XPR1: variants seen among roughly 807,000 people sequenced by gnomAD.
XPR1 encodes the protein xenotropic and polytropic retrovirus receptor 1.
In XPR1, 28 loss-of-function variants were observed where a neutral mutation model predicts 87.5. That is an observed-to-expected ratio of 0.32 (90% CI 0.24 to 0.44). The LOEUF (loss-of-function observed/expected upper bound fraction) is 0.44. Ranked by LOEUF, XPR1 falls within the 20% of genes least tolerant of loss-of-function variation. The pLI is 1.00. For synonymous variants in XPR1, 300 were observed against 306.1 expected, an observed-to-expected ratio of 0.98 and a Z score of 0.21; for missense variants, 559 against 862.3, an observed-to-expected ratio of 0.65 and a Z score of 4.41.
At chr1:180,694,747 G>A (rs1020611121) in intron 2 of XPR1, among the ~76,000 whole-genome samples, 2 of 150,110 alleles carry the variant, frequency 1.3e-5, no homozygotes, top group African/African-American at 4.9e-5. Context: ...CTAATCTTGT[G>A]TCACCCCGAC....
intron 1 of XPR1, among the ~76,000 whole-genome samples, chr1:180,653,245 C>T (rs894136170): frequency 1.3e-5 from 2 of 152,058 alleles, no homozygotes; most frequent in African/African-American, 4.8e-5. Context: ...ACAGGGCTAA[C>T]CTGTATAATC....
intron 1 of XPR1, among the ~76,000 whole-genome samples, chr1:180,658,224 C>T (rs974017839): frequency 1.3e-5 from 2 of 152,158 alleles, no homozygotes; most frequent in Non-Finnish European, 1.5e-5. Context: ...AAGATCATAT[C>T]ATCTGCAAAC....
intron 7 of XPR1, among the ~76,000 whole-genome samples, chr1:180,818,333 T>A (rs1650488408): frequency 6.6e-6 from 1 of 151,972 alleles, no homozygotes; most frequent in Non-Finnish European, 1.5e-5. Flanking sequence ...TTGGGTTTTT[T>A]TTTTTTTTTT....
intron 1 of XPR1, among the ~76,000 whole-genome samples, chr1:180,676,150 G>A (rs939587438): frequency 1.3e-5 from 2 of 152,094 alleles, no homozygotes; most frequent in Admixed American, 1.3e-4. Flanking sequence ...AAATTTATGT[G>A]TATTACATAT....
intron 11 of XPR1, among the ~76,000 whole-genome samples, chr1:180,845,117 TC>T (rs1184766563): frequency 2.0e-5 from 3 of 152,182 alleles, no homozygotes; most frequent in Non-Finnish European, 4.4e-5. Flanking sequence ...TGAAAAATTT[TC>T]CACTTTGGTA....
intron 1 of XPR1, among the ~76,000 whole-genome samples, chr1:180,641,700 A>T (rs764539801): frequency 1.3e-5 from 2 of 152,172 alleles, no homozygotes; most frequent in Non-Finnish European, 2.9e-5. Context: ...TGAAAATTTA[A>T]TTTTTAATCT....
At chr1:180,775,428 A>G (rs1473237768) in intron 2 of XPR1, among the ~76,000 whole-genome samples, 1 of 152,142 alleles carries the variant, frequency 6.6e-6, no homozygotes, top group East Asian at 1.9e-4. Context: ...CTATATAAAA[A>G]TGAAAAAAAA....
At chr1:180,768,137 C>T (rs753150856) in intron 2 of XPR1, among the ~76,000 whole-genome samples, 6 of 152,170 alleles carry the variant, frequency 3.9e-5, no homozygotes, top group Admixed American at 2.0e-4. Context: ...AGCCACCGTG[C>T]CCGGCCCACA....
At chr1:180,708,460 G>A (rs1261042105) in intron 2 of XPR1, among the ~76,000 whole-genome samples, 1 of 152,138 alleles carries the variant, frequency 6.6e-6, no homozygotes, top group Non-Finnish European at 1.5e-5. Flanking sequence ...GGTTAAAATG[G>A]TAGAATTAAT....
intron 2 of XPR1, among the ~76,000 whole-genome samples, chr1:180,714,584 T>C (rs1442377572): frequency 6.6e-6 from 1 of 152,022 alleles, no homozygotes; most frequent in Non-Finnish European, 1.5e-5. Flanking sequence ...CTTCCATTTT[T>C]TGTAGAGACA....
intron 2 of XPR1, among the ~76,000 whole-genome samples, chr1:180,728,940 G>C (rs1188514725): frequency 3.9e-5 from 6 of 152,142 alleles, no homozygotes; most frequent in Non-Finnish European, 1.5e-5. Flanking sequence ...TATTTCATCA[G>C]CCAGGTAATA....
intron 1 of XPR1, among the ~76,000 whole-genome samples, chr1:180,680,445 A>C (rs1472453840): frequency 2.2e-5 from 3 of 134,424 alleles, no homozygotes; most frequent in Non-Finnish European, 4.6e-5. Flanking sequence ...GGGTCATTGC[A>C]ACCTCTGCCT....
intron 2 of XPR1, among the ~76,000 whole-genome samples, chr1:180,758,240 G>A (rs959944178): frequency 1.3e-5 from 2 of 151,460 alleles, no homozygotes; most frequent in Admixed American, 6.6e-5. Context: ...AATAAACTAA[G>A]CACAAAAAGA....
At chr1:180,650,343 C>A (rs979514983) in intron 1 of XPR1, among the ~76,000 whole-genome samples, 2 of 152,086 alleles carry the variant, frequency 1.3e-5, no homozygotes, top group African/African-American at 4.8e-5. Context: ...TGTAGGGATC[C>A]TCCTGCCTCA....
chr1:180,840,179 C>T (rs948415144), intron 11 of XPR1, among the ~76,000 whole-genome samples: 40 of 140,276 alleles, frequency 2.9e-4, no homozygotes, highest in Admixed American at 7.6e-4. Context: ...GCCGAGATTG[C>T]GCCACTGCAG....
chr1:180,826,776 T>C (rs1650858122), intron 9 of XPR1, among the ~76,000 whole-genome samples: 2 of 152,180 alleles, frequency 1.3e-5, no homozygotes. Context: ...GTATGCCCCT[T>C]ATGTTAGCAA....
intron 2 of XPR1, 138 bp from the exon 3 acceptor site, chr1:180,787,615 T>A: frequency 6.4e-6 from 4 of 628,254 alleles, no homozygotes; most frequent in African/African-American, 1.9e-5. Context: ...TTAATATGGT[T>A]CACAGTTCAC....
chr1:180,794,046 C>T (rs528155548), intron 3 of XPR1, among the ~76,000 whole-genome samples: 167 of 152,106 alleles, frequency 1.1e-3, no homozygotes, highest in African/African-American at 3.8e-3. Flanking sequence ...ATAAATTGGT[C>T]AGAAAATGAA....
chr1:180,773,703 T>A (rs1648605914), intron 2 of XPR1, among the ~76,000 whole-genome samples: 1 of 147,250 alleles, frequency 6.8e-6, no homozygotes, highest in South Asian at 2.2e-4. Flanking sequence ...ACTTTCTCCC[T>A]TTTCTAAGAT....
Sources: gnomAD v4.1 joint callset for allele counts (sites outside exome capture counted in the v4.1 genomes callset) on GRCh38, gnomAD v4.1.1 for gene constraint, MANE v1.5 for transcripts, NCBI Gene and HGNC (gene_info 2026-07-23, HGNC 2026-07-21) for gene names.